The following PRICKLE3 variants were observed in gnomAD, a reference collection of about 807,000 sequenced individuals.
PRICKLE3 encodes the protein prickle planar cell polarity protein 3, also known as LIM domain only protein 6.
A neutral mutation model predicts 33.8 loss-of-function variants in PRICKLE3; 17 were observed. That is an observed-to-expected ratio of 0.50 (90% CI 0.34 to 0.75). The LOEUF (loss-of-function observed/expected upper bound fraction) is 0.75, where lower values mean the gene tolerates loss of function less well. PRICKLE3 is among the 30% of genes least tolerant of loss of function. The probability of loss-of-function intolerance (pLI) is 0.01; values close to 1 mark genes in which losing one functional copy is unlikely to be tolerated. For missense variants in PRICKLE3, 573 were observed against 576.7 expected, an observed-to-expected ratio of 0.99 and a Z score of 0.07; for synonymous variants, 211 against 219.6, an observed-to-expected ratio of 0.96 and a Z score of 0.34.
rs1439851461 is a variant in PRICKLE3 at position 49,179,232 on chromosome X, GA to G, written c.564+18del. 2 of 1,207,954 alleles carry G rather than the reference GA, an allele frequency of 1.7e-6. No individual in the cohort carries two copies. The highest frequency in any genetic ancestry group is 5.9e-5 in the East Asian group (2 of 33,751). ...GGAGCAGAGGCACTGCTCACTCGCT[GA>G]GGCCCTCCACGGCTCACCTCCTCAC... On this transcript the variant is annotated intron_variant, in intron 5 of 8. Transcript: ENST00000599218.
At chrX:49,180,284 G>C (rs1191325339) in intron 3 of PRICKLE3, among the ~76,000 whole-genome samples, 2 of 109,770 alleles carry the variant, frequency 1.8e-5, no homozygotes, top group East Asian at 5.7e-4. Context: ...CGCCTGCCTT[G>C]GCCTCCCAAA....
rs2065474628 is a variant in PRICKLE3 at position 49,184,724 on chromosome X, G to A, written c.43-14C>T. On this transcript the variant is annotated splice_polypyrimidine_tract_variant and intron_variant, in intron 1 of 8. Transcript: ENST00000599218. ...TGCCTCTGGAGGCTGCAGTGGGCGG[G>A]GGCAGATGCAGGGCCGGGTGAGGCG... The A allele has an allele frequency of 3.4e-6, 4 of 1,165,316 alleles. No homozygotes were observed. The highest frequency in any genetic ancestry group is 4.8e-4 in the Middle Eastern group (2 of 4,158).
chrX:49,185,508 C>G (rs2065478517), intron 1 of PRICKLE3, among the ~76,000 whole-genome samples: 1 of 111,802 alleles, frequency 8.9e-6, no homozygotes, highest in East Asian at 2.8e-4. Flanking sequence ...CCTTGTCCCC[C>G]CAAATCCCAG....
chrX:49,176,091 C>T lies in PRICKLE3; in HGVS notation c.1430G>A (p.Arg477His), dbSNP rs782661920. ...GCCTCCTTCAGACACCAGAGGGTCGCGGAAGCTGACGCGTGGGGTGCTCTG... is the reference window on the plus strand; with the variant it reads ...GCCTCCTTCAGACACCAGAGGGTCGTGGAAGCTGACGCGTGGGGTGCTCTG... ...GRQSTPRVSFRDPLVSEGGPR... is the reference protein window; with the variant it reads ...GRQSTPRVSFHDPLVSEGGPR... Residue 477 changes from arginine (R) to histidine (H), a missense_variant, in exon 9 of 9, where the codon CGC becomes CAC. Arg to His is a conservative substitution (Grantham distance 29, BLOSUM62 0). Transcript: ENST00000599218. 48 of 1,204,796 alleles carry T rather than the reference C, an allele frequency of 4.0e-5. No individual in the cohort carries two copies. The highest frequency in any genetic ancestry group is 5.1e-5 in the Non-Finnish European group (46 of 893,597).
chrX:49,184,835 G>A (rs2065475575), intron 1 of PRICKLE3, 125 bp from the exon 2 acceptor site: 3 of 1,162,841 alleles, frequency 2.6e-6, no homozygotes, highest in Non-Finnish European at 3.4e-6. Flanking sequence ...CCTGGGCAGC[G>A]CTGGGCAGGC....
chrX:49,184,395 G>C (rs1272528916), intron 2 of PRICKLE3, among the ~76,000 whole-genome samples: 16 of 109,646 alleles, frequency 1.5e-4, no homozygotes, highest in African/African-American at 5.0e-4. Context: ...CCGCGGCTAC[G>C]GGAGAACACT....
chrX:49,184,237 G>A, intron 2 of PRICKLE3, among the ~76,000 whole-genome samples: 1 of 111,570 alleles, frequency 9.0e-6, no homozygotes, highest in Non-Finnish European at 1.9e-5. Context: ...GAGTCTGGGG[G>A]CTGTAGGCTC....
intron 3 of PRICKLE3, among the ~76,000 whole-genome samples, chrX:49,181,616 T>TATATATATAC (rs2065456448): frequency 8.3e-5 from 1 of 12,107 alleles, no homozygotes; most frequent in African/African-American, 9.5e-5. Flanking sequence ...TATATATATG[T>TATATATATAC]GTATATATAT....
Position 49,177,125 on chromosome X carries a change from C to A in PRICKLE3, c.1033G>T (p.Gly345Trp). 2 of 1,200,876 alleles carry A rather than the reference C, an allele frequency of 1.7e-6. No homozygotes were observed. Among genetic ancestry groups the A allele is most frequent in the East Asian group, 3.0e-5 (1 of 33,312 alleles). ...SDRCFCCSRC[G>W]RALLGRPFLP... is the part of the protein sequence containing the mutation. ...AATGGGCGGCCCAGCAGGGCCCGCC[C>A]ACAGCGACTACAGCAGAAGCAGCGG... Residue 345 changes from glycine to tryptophan, a missense_variant, in exon 8 of 9, where the codon GGG becomes TGG. Coordinates refer to ENST00000599218, the MANE Select transcript of PRICKLE3 (RefSeq NM_006150.5).
intron 3 of PRICKLE3, among the ~76,000 whole-genome samples, chrX:49,181,855 G>A (rs1446636756): frequency 1.9e-5 from 2 of 106,571 alleles, no homozygotes; most frequent in East Asian, 5.9e-4. Context: ...CTCCATGTTG[G>A]TCAGGCTGGT....
chrX:49,181,613 A>ACG (rs1284619705), intron 3 of PRICKLE3, among the ~76,000 whole-genome samples: 93 of 3,209 alleles, frequency 0.029, 2 homozygotes, highest in Non-Finnish European at 0.17. Flanking sequence ...GTATATATAT[A>ACG]TGTGTATATA....
rs1557099960 is a variant in PRICKLE3, at chrX:49,176,142, C to T, written c.1379G>A (p.Arg460His). 6.7e-6 allele frequency: 8 copies of T among 1,202,728 alleles called. No individual in the cohort carries two copies. The highest frequency in any genetic ancestry group is 2.2e-5 in the Admixed American group (1 of 45,364). ...ACGACCGAAGGCACTATCATCTGGG[C>T]GCAGGTTAGGCTGGCCGGGGGACTC... The part of the protein sequence containing the change: ...PPESPGQPNL[R>H]PDDSAFGRQS... Residue 460 changes from arginine (R) to histidine (H), a missense_variant, in exon 9 of 9, where the codon CGC becomes CAC. Transcript: ENST00000599218.
rs2065469712 is a variant in PRICKLE3 at position 49,183,854 on chromosome X, G to A, written c.192C>T (p.Asp64=). ...EEHAVHAVPV[D]LERIMCRLIS... is the part of the protein sequence containing the mutation. ...TTAGCCGACACATGATGCGTTCCAG[G>A]TCCACAGGCACCGCGTGCACTGCAT... The change falls in exon 3 of 9, where the codon GAC becomes GAT. Residue 64 remains aspartate, a synonymous_variant. Coordinates refer to ENST00000599218, the MANE Select transcript of PRICKLE3 (RefSeq NM_006150.5). The A allele has an allele frequency of 1.7e-6, 2 of 1,211,501 alleles. No individual in the cohort carries two copies. The highest frequency in any genetic ancestry group is 1.7e-5 in the African/African-American group (1 of 57,730).
chrX:49,176,151 G>A lies in PRICKLE3; in HGVS notation c.1370C>T (p.Pro457Leu). The change falls in exon 9 of 9, where the codon CCT (proline) becomes CTT (leucine). Residue 457 changes from proline (P) to leucine (L), a missense_variant. Physicochemically the swap from Pro to Leu is moderately conservative, Grantham distance 98. Transcript: ENST00000599218. ...PEPPPESPGQ[P>L]NLRPDDSAFG... ...GGCACTATCATCTGGGCGCAGGTTA[G>A]GCTGGCCGGGGGACTCTGGGGGCGG... The A allele has an allele frequency of 1.7e-6, 2 of 1,198,942 alleles. No individual in the cohort carries two copies. The highest frequency in any genetic ancestry group is 2.2e-6 in the Non-Finnish European group (2 of 889,023).
rs1366749122 is a variant in PRICKLE3, at chrX:49,186,351, G to C, written c.-54C>G. 2 of 1,056,621 alleles carry C rather than the reference G, an allele frequency of 1.9e-6. No homozygotes were observed. Among genetic ancestry groups the C allele is most frequent in the South Asian group, 2.3e-5 (1 of 43,693 alleles). 87.1% of individuals were successfully genotyped at this position (1,056,621 alleles called of 1,213,427 possible). A position where few individuals can be genotyped will look rare whatever the true frequency, so the allele number is the denominator to read the frequency against. ...CGGGTCAGGCGAATGTAATCCTTGC[G>C]ACCGTCAGGCCACCGCGCGTCCGGC... is the stretch of plus-strand genomic sequence containing the variant. On this transcript the variant is annotated 5_prime_UTR_variant, in exon 1 of 9. Coordinates refer to ENST00000599218, the MANE Select transcript of PRICKLE3 (RefSeq NM_006150.5).
intron 3 of PRICKLE3, among the ~76,000 whole-genome samples, chrX:49,182,860 G>A (rs1268466191): frequency 3.4e-5 from 3 of 88,194 alleles, no homozygotes; most frequent in Non-Finnish European, 6.4e-5. Flanking sequence ...GTATCACTCT[G>A]TTGCCCAGGC....
chrX:49,181,542 C>A, intron 3 of PRICKLE3, among the ~76,000 whole-genome samples: 1 of 11,065 alleles, frequency 9.0e-5, no homozygotes, highest in Non-Finnish European at 1.6e-4. Context: ...TATATATATA[C>A]GTATATGTGT....
intron 2 of PRICKLE3, 71 bp downstream of exon 2, chrX:49,184,554 G>A: frequency 4.1e-6 from 4 of 967,120 alleles, no homozygotes; most frequent in East Asian, 3.6e-5. Context: ...GGGGCGTGGC[G>A]TAAGGCTCCT....
chrX:49,181,837 C>G (rs1308264885), intron 3 of PRICKLE3, among the ~76,000 whole-genome samples: 1 of 105,846 alleles, frequency 9.4e-6, no homozygotes, highest in African/African-American at 3.4e-5. Flanking sequence ...TTAGTAGAGA[C>G]GGGGTTTCTC....
Sources: allele counts gnomAD v4.1 joint callset (sites outside exome capture counted in the v4.1 genomes callset), GRCh38; gene constraint gnomAD v4.1.1; transcripts MANE v1.5; gene names NCBI Gene and HGNC (gene_info 2026-07-23, HGNC 2026-07-21).